The following NDUFA10 variants were observed in gnomAD, a reference collection of about 807,000 sequenced individuals.
NDUFA10 encodes the protein NADH:ubiquinone oxidoreductase subunit A10, also known as NADH dehydrogenase [ubiquinone] 1 alpha subcomplex subunit 10, mitochondrial.
A neutral mutation model predicts 47.8 loss-of-function variants in NDUFA10; 40 were observed. That is an observed-to-expected ratio of 0.84 (90% CI 0.65 to 1.09). The LOEUF is 1.09. Among genes scored for constraint, NDUFA10 ranks in the 50% least tolerant of loss-of-function variants. The probability of loss-of-function intolerance (pLI) is 0.00; values close to 1 mark genes in which losing one functional copy is unlikely to be tolerated. For missense variants in NDUFA10, 413 were observed against 451.1 expected, an observed-to-expected ratio of 0.92 and a Z score of 0.76; for synonymous variants, 183 against 172.2, an observed-to-expected ratio of 1.06 and a Z score of -0.49.
chr2:240,021,524 G>A (rs1316688063), intron 2 of NDUFA10, 112 bp from the exon 3 acceptor site: 2 of 944,654 alleles, frequency 2.1e-6, no homozygotes, highest in Non-Finnish European at 1.7e-6. Flanking sequence ...GCCAGGGATG[G>A]AGCCAATGAC....
chr2:239,892,881 G>A (rs1385800365), intron 5 of NDUFA10, among the ~76,000 whole-genome samples: 1 of 152,256 alleles, frequency 6.6e-6, no homozygotes, highest in Non-Finnish European at 1.5e-5. Context: ...ATCTACAAAT[G>A]TGTAGGCAGG....
chr2:239,966,467 A>T (rs1695063242), intron 9 of NDUFA10, among the ~76,000 whole-genome samples: 1 of 152,104 alleles, frequency 6.6e-6, no homozygotes, highest in Admixed American at 6.5e-5. Flanking sequence ...GGGAATGTGG[A>T]TCTGTACTTT....
At chr2:240,006,453 A>C (rs557178537) in intron 7 of NDUFA10, among the ~76,000 whole-genome samples, 79 of 152,288 alleles carry the variant, frequency 5.2e-4, no homozygotes, top group Non-Finnish European at 1.0e-3. Context: ...GCTGAGAGGC[A>C]ACTGAAGCAC....
chr2:239,967,650 G>A (rs1239556581), intron 9 of NDUFA10, among the ~76,000 whole-genome samples: 1 of 152,202 alleles, frequency 6.6e-6, no homozygotes, highest in African/African-American at 2.4e-5. Context: ...GTGCCTACAG[G>A]TGCCAGGTCC....
At chr2:239,939,941 G>A (rs2106378085) in intron 4 of NDUFA10, among the ~76,000 whole-genome samples, 1 of 152,346 alleles carries the variant, frequency 6.6e-6, no homozygotes, top group South Asian at 2.1e-4. Context: ...GACCAGGAGA[G>A]GCCTGGCAAC....
intron 4 of NDUFA10, among the ~76,000 whole-genome samples, chr2:239,947,021 G>A (rs560780149): frequency 6.6e-6 from 1 of 152,296 alleles, no homozygotes; most frequent in East Asian, 1.9e-4. Flanking sequence ...CCATGGTGGT[G>A]GGTGCTGTGC....
intron 4 of NDUFA10, among the ~76,000 whole-genome samples, chr2:239,926,506 A>G (rs909091490): frequency 5.9e-5 from 9 of 152,214 alleles, no homozygotes; most frequent in African/African-American, 1.2e-4. Context: ...AGCACATGCA[A>G]TTATGTACAG....
chr2:239,936,408 G>A (rs553048910), intron 4 of NDUFA10, among the ~76,000 whole-genome samples: 30 of 152,354 alleles, frequency 2.0e-4, no homozygotes, highest in African/African-American at 7.0e-4. Flanking sequence ...TAGGGCAGGA[G>A]GCTGCTCTGC....
intron 8 of NDUFA10, among the ~76,000 whole-genome samples, chr2:240,001,737 C>T (rs1024849929): frequency 6.6e-6 from 1 of 152,214 alleles, no homozygotes; most frequent in Admixed American, 6.5e-5. Context: ...TTTGATGGCC[C>T]TTGCCACAGT....
At chr2:239,977,159 T>C (rs1468482649) in intron 9 of NDUFA10, among the ~76,000 whole-genome samples, 1 of 152,000 alleles carries the variant, frequency 6.6e-6, no homozygotes, top group Non-Finnish European at 1.5e-5. Flanking sequence ...AGACAGCAAG[T>C]CTAGAATGGG....
At chr2:239,904,006 G>T (rs1348917163) in intron 4 of NDUFA10, among the ~76,000 whole-genome samples, 1 of 152,140 alleles carries the variant, frequency 6.6e-6, no homozygotes, top group Non-Finnish European at 1.5e-5. Context: ...CCTGGATGAT[G>T]CAGGCGTCTG....
intron 7 of NDUFA10, 102 bp from the exon 8 acceptor site, chr2:240,005,397 G>T: frequency 1.1e-6 from 1 of 901,084 alleles, no homozygotes; most frequent in Non-Finnish European, 1.8e-6. Context: ...CATCCAGGCT[G>T]GAAAGTAGTG....
At chr2:240,004,004 G>A (rs576709657) in intron 8 of NDUFA10, among the ~76,000 whole-genome samples, 10 of 152,286 alleles carry the variant, frequency 6.6e-5, no homozygotes, top group African/African-American at 2.2e-4. Flanking sequence ...GACTAGGTAC[G>A]TCCTCAAGAA....
intron 8 of NDUFA10, 113 bp from the exon 9 acceptor site, chr2:239,990,295 A>G (rs534012986): frequency 1.2e-6 from 1 of 823,792 alleles, no homozygotes; most frequent in South Asian, 1.4e-5. Context: ...ATATCCCAAT[A>G]AATGCTATTC....
chr2:239,929,762 C>T (rs1233862141), intron 4 of NDUFA10, among the ~76,000 whole-genome samples: 2 of 145,318 alleles, frequency 1.4e-5, no homozygotes, highest in African/African-American at 5.0e-5. Context: ...TCTTGCTCCT[C>T]CACTGCCCCT....
At chr2:239,985,465 AT>A (rs1695961068) in intron 9 of NDUFA10, among the ~76,000 whole-genome samples, 1 of 151,648 alleles carries the variant, frequency 6.6e-6, no homozygotes, top group Admixed American at 6.6e-5. Context: ...ATCTAGGCTG[AT>A]GCACACTCAA....
In NDUFA10 at chr2:240,016,749, G is replaced by T. The variant is rs1315295195; in HGVS notation, c.547+1804C>A. ...GCTTTCCCAAGGAAAGCATGCTCAC[G>T]GTCAGTGCTGGACCCCCAACGCCTG... On this transcript the variant is annotated intron_variant, in intron 4 of 9. Transcript: ENST00000252711. This position sits in a 1 kb window ranked among gnomAD's most constrained non-coding sequence, Gnocchi z 4.4. 6.6e-6 allele frequency among the ~76,000 whole-genome samples: 1 copy of T among 151,982 alleles called. No individual in the cohort carries two copies. The highest frequency in any genetic ancestry group is 6.6e-5 in the Admixed American group (1 of 15,264).
intron 9 of NDUFA10, among the ~76,000 whole-genome samples, chr2:239,976,013 G>C (rs1695502357): frequency 6.6e-6 from 1 of 152,054 alleles, no homozygotes; most frequent in Non-Finnish European, 1.5e-5. Flanking sequence ...TATCTGATAG[G>C]GTTTCTAATA....
intron 4 of NDUFA10, among the ~76,000 whole-genome samples, chr2:239,920,320 G>A (rs1693947257): frequency 6.6e-6 from 1 of 152,202 alleles, no homozygotes; most frequent in African/African-American, 2.4e-5. Context: ...CATCCCATCA[G>A]CAGCAGTTTG....
Sources: gnomAD v4.1 joint callset for allele counts (sites outside exome capture counted in the v4.1 genomes callset) on GRCh38, gnomAD v4.1.1 for gene constraint, Gnocchi (gnomAD v3.1) non-coding constraint, MANE v1.5 for transcripts, NCBI Gene and HGNC (gene_info 2026-07-23, HGNC 2026-07-21) for gene names.